The following COMMD10 variants were observed in gnomAD, a reference collection of about 807,000 sequenced individuals.
The protein encoded by COMMD10 is COMM domain containing 10.
In COMMD10, 33 loss-of-function variants were observed where a neutral mutation model predicts 28.9. That is an observed-to-expected ratio of 1.14 (90% CI 0.87 to 1.53). COMMD10 has a LOEUF of 1.53. Among genes scored for constraint, COMMD10 ranks in the 40% most tolerant of loss-of-function variants. COMMD10 has a pLI of 0.00. For synonymous variants in COMMD10, 110 were observed against 81.7 expected, an observed-to-expected ratio of 1.35 and a Z score of -1.87; for missense variants, 310 against 233.4, an observed-to-expected ratio of 1.33 and a Z score of -2.14.
chr5:116,242,404 A>G (rs577565555), intron 5 of COMMD10, among the ~76,000 whole-genome samples: 29 of 152,302 alleles, frequency 1.9e-4, no homozygotes, highest in Admixed American at 8.5e-4. Flanking sequence ...AGATGGTTAC[A>G]TACCAGGCAC....
At chr5:116,284,651 T>G (rs1275962884) in intron 5 of COMMD10, among the ~76,000 whole-genome samples, 1 of 151,912 alleles carries the variant, frequency 6.6e-6, no homozygotes, top group African/African-American at 2.4e-5. Context: ...ATGAAACTAC[T>G]TTAACCAGGA....
chr5:116,086,774 T>C (rs1750114306), intron 1 of COMMD10, among the ~76,000 whole-genome samples: 1 of 151,988 alleles, frequency 6.6e-6, no homozygotes, highest in South Asian at 2.1e-4. Context: ...GCTCAGGAGT[T>C]CAAGACCAGC....
At chr5:116,124,029 C>A (rs1717839788) in intron 4 of COMMD10, among the ~76,000 whole-genome samples, 1 of 151,864 alleles carries the variant, frequency 6.6e-6, no homozygotes, top group South Asian at 2.1e-4. Context: ...TTTCTGGATT[C>A]ATTGATGTTT....
chr5:116,142,344 T>G (rs1016136616), intron 5 of COMMD10, among the ~76,000 whole-genome samples: 3 of 151,842 alleles, frequency 2.0e-5, no homozygotes, highest in African/African-American at 7.2e-5. Context: ...TATTTTCCTG[T>G]TACATTGTAA....
intron 4 of COMMD10, among the ~76,000 whole-genome samples, chr5:116,102,326 T>G (rs1329200402): frequency 2.0e-5 from 3 of 152,226 alleles, no homozygotes; most frequent in African/African-American, 7.2e-5. Context: ...TTTTCCTCAA[T>G]TTATGTTCTT....
chr5:116,164,319 TC>T (rs1037749579), intron 5 of COMMD10, among the ~76,000 whole-genome samples: 1 of 126,056 alleles, frequency 7.9e-6, no homozygotes, highest in African/African-American at 4.3e-5. Context: ...AAACTCGGTC[TC>T]AAAAAAAATA....
chr5:116,113,573 C>G (rs1037083745), intron 4 of COMMD10, among the ~76,000 whole-genome samples: 1 of 151,728 alleles, frequency 6.6e-6, no homozygotes, highest in Non-Finnish European at 1.5e-5. Context: ...TCTGCTTGGC[C>G]TAGTCTATTA....
chr5:116,199,705 G>A (rs1289400118), intron 5 of COMMD10, among the ~76,000 whole-genome samples: 1 of 152,058 alleles, frequency 6.6e-6, no homozygotes, highest in African/African-American at 2.4e-5. Flanking sequence ...TTGTGAGGCA[G>A]GTCCACTAGC....
At chr5:116,123,965 T>C (rs1182641868) in intron 4 of COMMD10, among the ~76,000 whole-genome samples, 1 of 152,084 alleles carries the variant, frequency 6.6e-6, no homozygotes, top group African/African-American at 2.4e-5. Context: ...GCTTTTCTTC[T>C]TTATTAATCT....
chr5:116,189,633 G>A (rs1392380923), intron 5 of COMMD10, among the ~76,000 whole-genome samples: 2 of 152,118 alleles, frequency 1.3e-5, no homozygotes, highest in East Asian at 1.9e-4. Context: ...ATCCCTAGCT[G>A]TTTGGCAATA....
intron 4 of COMMD10, among the ~76,000 whole-genome samples, chr5:116,109,189 A>G (rs898351560): frequency 1.3e-5 from 2 of 152,168 alleles, no homozygotes; most frequent in Admixed American, 6.5e-5. Flanking sequence ...ACCCATGAGC[A>G]TGGGATGTTT....
At chr5:116,104,000 T>C (rs146496565) in intron 4 of COMMD10, among the ~76,000 whole-genome samples, 1 of 152,154 alleles carries the variant, frequency 6.6e-6, no homozygotes. Context: ...TATGTTCCAT[T>C]GGTCTATATG....
rs548946405 is a variant in COMMD10, at chr5:116,176,406, G to T, written c.510+42228G>T. On this transcript the variant is annotated intron_variant, in intron 5 of 6. Transcript: ENST00000274458. ...TGGGATTACAGGTGTGAGCCACCGT[G>T]CTCAGCCTGGACTTATTCACTGTTC... Among the ~76,000 whole-genome samples, 4 of 152,248 alleles carry T rather than the reference G, an allele frequency of 2.6e-5. No individual in the cohort carries two copies. In the South Asian group the frequency reaches 8.3e-4, roughly 32 times the overall value.
chr5:116,154,864 T>G (rs956718787), intron 5 of COMMD10, among the ~76,000 whole-genome samples: 7 of 151,724 alleles, frequency 4.6e-5, no homozygotes, highest in Non-Finnish European at 1.0e-4. Flanking sequence ...GTGCAAAAGG[T>G]AATAATCTCA....
At chr5:116,167,058 A>G (rs1366999467) in intron 5 of COMMD10, among the ~76,000 whole-genome samples, 1 of 152,046 alleles carries the variant, frequency 6.6e-6, no homozygotes, top group Non-Finnish European at 1.5e-5. Context: ...TCTCCGAGCT[A>G]AAGGAGCATG....
chr5:116,135,687 G>A (rs566853441), intron 5 of COMMD10, among the ~76,000 whole-genome samples: 1 of 152,174 alleles, frequency 6.6e-6, no homozygotes, highest in African/African-American at 2.4e-5. Flanking sequence ...TATTATTATT[G>A]TTGTTAATCT....
At chr5:116,272,370 A>C (rs1561403051) in intron 5 of COMMD10, among the ~76,000 whole-genome samples, 1 of 151,942 alleles carries the variant, frequency 6.6e-6, no homozygotes, top group Non-Finnish European at 1.5e-5. Context: ...TAGAGGAATG[A>C]GCAGGAGCTT....
chr5:116,092,565 G>A lies in COMMD10; in HGVS notation c.264G>A (p.Lys88=), dbSNP rs746888932. The A allele has an allele frequency of 7.5e-6, 12 of 1,605,684 alleles. No homozygotes were observed. The highest frequency in any genetic ancestry group is 1.0e-5 in the Non-Finnish European group (12 of 1,176,436). The change falls in exon 4 of 7, where the codon AAG becomes AAA. Residue 88 remains lysine, a synonymous_variant. Coordinates refer to ENST00000274458, the MANE Select transcript of COMMD10 (RefSeq NM_016144.4). The stretch of plus-strand genomic sequence containing the variant: ...AATAGGCAGTGTATCACAATGTGAA[G>A]CCAGCAGCTTTGCAGCAGCAATTAG... ...ILEQAVYHNV[K]PAALQQQLEN...
chr5:116,153,993 A>G (rs923879401), intron 5 of COMMD10, among the ~76,000 whole-genome samples: 20 of 152,200 alleles, frequency 1.3e-4, no homozygotes, highest in African/African-American at 4.8e-4. Context: ...ACTGGATTTT[A>G]TTAGAGCTTA....
Sources: gnomAD v4.1 joint callset for allele counts (sites outside exome capture counted in the v4.1 genomes callset) on GRCh38, gnomAD v4.1.1 for gene constraint, MANE v1.5 for transcripts, NCBI Gene and HGNC (gene_info 2026-07-23, HGNC 2026-07-21) for gene names.